USF2: variants seen among roughly 807,000 people sequenced by gnomAD.
The protein encoded by USF2 is upstream transcription factor 2, c-fos interacting.
Under a neutral mutation model 46.9 loss-of-function variants are expected in USF2, and 16 were observed. That is an observed-to-expected ratio of 0.34 (90% confidence interval 0.23 to 0.52). USF2 has a LOEUF of 0.52. Ranked by LOEUF, USF2 falls within the 20% of genes least tolerant of loss-of-function variation. The pLI, the probability that USF2 is intolerant of heterozygous loss-of-function variation, is 0.96. For synonymous variants in USF2, 239 were observed against 194.1 expected (o/e 1.23, Z -1.92); for missense variants, 411 against 474.0 (o/e 0.87, Z 1.23).
rs761012406 is a variant in USF2, at chr19:35,279,152, C to T, written c.952-15C>T. On this transcript the variant is annotated splice_polypyrimidine_tract_variant and intron_variant, in intron 9 of 9. Transcript: ENST00000222305. ...GCTGGCCCTCAGCTCCCTTGACCTC[C>T]GTCGTGTCCGCCAGATCGAGGAGCT... 1.3e-5 allele frequency: 21 copies of T among 1,610,960 alleles called. No homozygotes were observed. The highest frequency in any genetic ancestry group is 2.7e-5 in the African/African-American group (2 of 74,842).
intron 7 of USF2, among the ~76,000 whole-genome samples, chr19:35,276,719 G>A (rs1399777726): frequency 2.6e-5 from 4 of 152,178 alleles, no homozygotes; most frequent in Admixed American, 6.5e-5. Flanking sequence ...AATGTTTCCT[G>A]GATCTCTGAG....
Position 35,270,557 on chromosome 19 carries a change from TGTGTCC to T in USF2, c.543_548del (p.Ser182_Val183del). 1.9e-6 allele frequency: 3 copies of T among 1,614,180 alleles called. No individual in the cohort carries two copies. The highest frequency in any genetic ancestry group is 2.5e-6 in the Non-Finnish European group (3 of 1,180,016). The stretch of plus-strand genomic sequence containing the variant: ...CGTCCAGTGTGGGAGATACTACGGC[TGTGTCC>T]GTACAGACCACAGACCAGAGCTTGC... On this transcript the variant is annotated inframe_deletion, in exon 5 of 10. Coordinates refer to ENST00000222305, the MANE Select transcript of USF2 (RefSeq NM_003367.4).
At chr19:35,269,529 CT>C in intron 2 of USF2, 37 bp downstream of exon 2, 6 of 1,550,116 alleles carry the variant, frequency 3.9e-6, no homozygotes, top group Non-Finnish European at 5.2e-6. Flanking sequence ...CCGGGGAGGG[CT>C]GGGGGCGCTC....
intron 7 of USF2, chr19:35,277,908 T>A (rs1276510536): frequency 6.6e-6 from 1 of 152,264 alleles, no homozygotes; most frequent in Non-Finnish European, 1.5e-5. Context: ...GAGAAAGGCA[T>A]GTGCTCTGTC....
At chr19:35,272,906 G>A (rs2066177781) in intron 7 of USF2, among the ~76,000 whole-genome samples, 1 of 151,972 alleles carries the variant, frequency 6.6e-6, no homozygotes, top group Non-Finnish European at 1.5e-5. Flanking sequence ...CTTACCTGTG[G>A]TGGGGCGTCA....
chr19:35,277,912 C>T (rs2066256887), intron 7 of USF2: 1 of 152,258 alleles, frequency 6.6e-6, no homozygotes, highest in Non-Finnish European at 1.5e-5. Flanking sequence ...AAGGCATGTG[C>T]TCTGTCTGGG....
rs1284603030 is a variant in USF2 at position 35,269,694 on chromosome 19, G to A, written c.223G>A (p.Gly75Arg). The change falls in exon 3 of 10, where the codon GGA becomes AGA. Residue 75 changes from glycine (G) to arginine (R), a missense_variant. Coordinates refer to ENST00000222305, the MANE Select transcript of USF2 (RefSeq NM_003367.4). Reference sequence around the variant, plus strand: ...CCAGTTCCGCACAGAGACAAATGGAGGACAGGTGAGCGGCGGGCCGCGAGG... The same window carrying A: ...CCAGTTCCGCACAGAGACAAATGGAAGACAGGTGAGCGGCGGGCCGCGAGG... ...QYQFRTETNG[G>R]QVTYRVVQVT... 2.0e-5 allele frequency: 31 copies of A among 1,532,726 alleles called. No homozygotes were observed. Among genetic ancestry groups the A allele is most frequent in the Non-Finnish European group, 2.7e-5 (31 of 1,143,038 alleles). The allele number at this position is 1,532,726 out of a possible 1,614,324, so 94.9% of individuals were successfully genotyped here. A position where few individuals can be genotyped will look rare whatever the true frequency, so the allele number is the denominator to read the frequency against.
At chr19:35,271,880 G>T (rs573914670) in intron 7 of USF2, among the ~76,000 whole-genome samples, 27 of 152,324 alleles carry the variant, frequency 1.8e-4, no homozygotes, top group African/African-American at 5.8e-4. Flanking sequence ...TATGTCTCAT[G>T]GGTCTCATGG....
At position 35,269,652 on chromosome 19, in the gene USF2, G is replaced by C; in HGVS notation, c.181G>C (p.Asp61His). ...ITSVQQAAFG[D>H]HNIQYQFRTE... is the part of the protein sequence containing the mutation. The stretch of plus-strand genomic sequence containing the variant: ...CAGCGTCCAGCAGGCGGCGTTCGGC[G>C]ACCACAACATCCAGTACCAGTTCCG... The change falls in exon 3 of 10, where the codon GAC (aspartate) becomes CAC (histidine). Residue 61 changes from aspartate (D) to histidine (H), a missense_variant. Physicochemically the swap from Asp to His is moderately conservative, Grantham distance 81 (BLOSUM62 -1). Around this residue, in one of 2 missense-constraint regions of USF2, gnomAD observed 318 missense variants for 322.4 expected, o/e 0.99. Coordinates refer to ENST00000222305, the MANE Select transcript of USF2 (RefSeq NM_003367.4). 5 of 1,487,590 alleles carry C rather than the reference G, an allele frequency of 3.4e-6. No individual in the cohort carries two copies. The highest frequency in any genetic ancestry group is 4.5e-6 in the Non-Finnish European group (5 of 1,108,340). 92.1% of individuals were successfully genotyped at this position (1,487,590 alleles called of 1,614,324 possible). A position where few individuals can be genotyped will look rare whatever the true frequency, so the allele number is the denominator to read the frequency against.
At chr19:35,270,285 T>C (rs548878393) in intron 4 of USF2, 162 bp from the exon 5 acceptor site, 2 of 1,134,836 alleles carry the variant, frequency 1.8e-6, no homozygotes, top group African/African-American at 1.6e-5. Flanking sequence ...CCTCCCGCCA[T>C]GTTCCAGGGC....
At chr19:35,275,390 A>C (rs1239505192) in intron 7 of USF2, 1 of 149,722 alleles carries the variant, frequency 6.7e-6, no homozygotes, top group Non-Finnish European at 1.5e-5. Flanking sequence ...TTCATGCTTT[A>C]GCTTCCCTGG....
intron 7 of USF2, chr19:35,277,508 T>C (rs2066250825): frequency 6.6e-6 from 1 of 152,238 alleles, no homozygotes; most frequent in South Asian, 2.1e-4. Context: ...ACGGCAGGTC[T>C]GGGGAGCTGC....
In USF2 at chr19:35,269,904, G is replaced by T. The variant is rs2066123206; in HGVS notation, c.330G>T (p.Gly110=). ...SVVSTAAFAG[G]QQAVTQVGVD... is the part of the protein sequence containing the mutation. ...TGTCCACCGCTGCCTTCGCGGGGGG[G>T]CAGCAGGCTGTGACCCAGGTGGGTG... is the stretch of plus-strand genomic sequence containing the variant. The change falls in exon 4 of 10, where the codon GGG becomes GGT. Residue 110 remains glycine, a synonymous_variant. Coordinates refer to ENST00000222305, the MANE Select transcript of USF2 (RefSeq NM_003367.4). The T allele has an allele frequency of 7.2e-7, 1 of 1,385,548 alleles. No homozygotes were observed. The highest frequency in any genetic ancestry group is 1.5e-5 in the African/African-American group (1 of 65,556). 85.8% of individuals were successfully genotyped at this position (1,385,548 alleles called of 1,614,324 possible).
Position 35,271,025 on chromosome 19 carries a change from G to T in USF2, c.669-58G>T, listed in dbSNP as rs750236232. 3 of 1,598,344 alleles carry T rather than the reference G, an allele frequency of 1.9e-6. No homozygotes were observed. The South Asian group carries it at 3.3e-5, about 18-fold the overall frequency. On this transcript the variant is annotated intron_variant, in intron 6 of 9. Transcript: ENST00000222305. ...TTTTCAAATCTAATACTTAGCAGAT[G>T]CTTGGGCAAACAGCTCTGCGATAAT... is the stretch of plus-strand genomic sequence containing the variant.
intron 7 of USF2, among the ~76,000 whole-genome samples, chr19:35,276,408 A>C (rs1397315612): frequency 6.6e-6 from 1 of 152,086 alleles, no homozygotes; most frequent in African/African-American, 2.4e-5. Context: ...GCTTCTGTGG[A>C]ATGAACGTGG....
At position 35,269,010 on chromosome 19, in the gene USF2, G is replaced by C. The variant is rs1414830053; in HGVS notation, c.-92G>C. 7.9e-6 allele frequency: 1 copy of C among 127,206 alleles called. No homozygotes were observed. The highest frequency in any genetic ancestry group is 2.4e-4 in the East Asian group (1 of 4,116). The allele number at this position is 127,206 out of a possible 1,614,324, so 7.9% of individuals were successfully genotyped here. ...CGCGCGGCGTGAGCGCCGGGCTCGG[G>C]GCCCCCCCGGCCGCCCGCCCCCTCC... On this transcript the variant is annotated 5_prime_UTR_variant, in exon 1 of 10. Transcript: ENST00000222305.
chr19:35,272,256 G>A (rs2145574098), intron 7 of USF2, among the ~76,000 whole-genome samples: 1 of 152,304 alleles, frequency 6.6e-6, no homozygotes, highest in South Asian at 2.1e-4. Context: ...TGGGAGAGAT[G>A]GGAGTCACAC....
intron 7 of USF2, among the ~76,000 whole-genome samples, chr19:35,274,490 C>T (rs768365978): frequency 6.6e-6 from 1 of 152,174 alleles, no homozygotes. Context: ...GTGCACTTGG[C>T]ATCTCAGGAA....
chr19:35,273,511 A>G (rs1568459208), intron 7 of USF2, among the ~76,000 whole-genome samples: 2 of 152,202 alleles, frequency 1.3e-5, no homozygotes, highest in Non-Finnish European at 2.9e-5. Flanking sequence ...TCAGCTCTTC[A>G]GGTGATTTGT....
Sources: gnomAD v4.1 joint callset for allele counts (sites outside exome capture counted in the v4.1 genomes callset) on GRCh38, gnomAD v4.1.1 for gene constraint, gnomAD v4.1.1 regional missense constraint, MANE v1.5 for transcripts, NCBI Gene and HGNC (gene_info 2026-07-23, HGNC 2026-07-21) for gene names.